Variants in HHAT observed in about 807,000 individuals in gnomAD.
HHAT encodes the protein hedgehog acyltransferase, also known as protein-cysteine N-palmitoyltransferase HHAT.
In HHAT, 47 loss-of-function variants were observed where a neutral mutation model predicts 70.8. That is an observed-to-expected ratio of 0.66 (90% CI 0.53 to 0.85). The LOEUF (loss-of-function observed/expected upper bound fraction) is 0.85. Ranked by LOEUF, HHAT falls within the 40% of genes least tolerant of loss-of-function variation. The pLI is 0.00. For missense variants in HHAT, 609 were observed against 604.8 expected (o/e 1.01, Z -0.07); for synonymous variants, 228 against 247.6 (o/e 0.92, Z 0.74).
At chr1:210,367,002 T>C (rs965934919) in intron 3 of HHAT, among the ~76,000 whole-genome samples, 5 of 152,116 alleles carry the variant, frequency 3.3e-5, no homozygotes, top group Non-Finnish European at 7.4e-5. Context: ...CTCAAGTCCA[T>C]ATGGAGCGCT....
At chr1:210,490,211 A>G (rs2094530986) in intron 8 of HHAT, among the ~76,000 whole-genome samples, 1 of 152,214 alleles carries the variant, frequency 6.6e-6, no homozygotes, top group Admixed American at 6.5e-5. Flanking sequence ...CCTTCAAGTC[A>G]TGGAGTGGGA....
At chr1:210,521,126 G>A (rs2095150658) in intron 9 of HHAT, among the ~76,000 whole-genome samples, 1 of 152,196 alleles carries the variant, frequency 6.6e-6, no homozygotes. Flanking sequence ...TATTAGAATG[G>A]TGTTCAATAT....
intron 8 of HHAT, among the ~76,000 whole-genome samples, chr1:210,485,081 C>T (rs911354682): frequency 3.3e-5 from 5 of 152,130 alleles, no homozygotes; most frequent in South Asian, 4.2e-4. Context: ...TGTCTTGCCT[C>T]GTGTTGAGCG....
At chr1:210,334,629 T>C (rs564597591) in intron 1 of HHAT, among the ~76,000 whole-genome samples, 17 of 152,178 alleles carry the variant, frequency 1.1e-4, no homozygotes, top group Non-Finnish European at 2.2e-4. Flanking sequence ...AGAATATTCC[T>C]GAAATAGTGG....
At chr1:210,608,082 C>T (rs998349857) in intron 10 of HHAT, among the ~76,000 whole-genome samples, 1 of 152,112 alleles carries the variant, frequency 6.6e-6, no homozygotes, top group Non-Finnish European at 1.5e-5. Context: ...AGCCATTCTC[C>T]TGTTGAAAAT....
At chr1:210,553,722 C>A (rs1444173466) in intron 9 of HHAT, among the ~76,000 whole-genome samples, 1 of 152,116 alleles carries the variant, frequency 6.6e-6, no homozygotes, top group Non-Finnish European at 1.5e-5. Flanking sequence ...TGGACCTCAG[C>A]CTCTTTCCCT....
intron 9 of HHAT, among the ~76,000 whole-genome samples, chr1:210,586,847 T>G (rs189170952): frequency 1.1e-3 from 163 of 152,302 alleles, no homozygotes; most frequent in Non-Finnish European, 2.1e-3. Flanking sequence ...AGCAGGAAAT[T>G]ACTGATTGAA....
intron 11 of HHAT, among the ~76,000 whole-genome samples, chr1:210,659,312 A>G (rs1308226230): frequency 1.3e-5 from 2 of 152,244 alleles, no homozygotes; most frequent in African/African-American, 4.8e-5. Flanking sequence ...AAACACCTCT[A>G]TGCAAATAAA....
At chr1:210,487,568 G>GGT (rs1478605030) in intron 8 of HHAT, among the ~76,000 whole-genome samples, 1 of 152,128 alleles carries the variant, frequency 6.6e-6, no homozygotes, top group African/African-American at 2.4e-5. Context: ...GACACTGAGA[G>GGT]GTATGGATAA....
intron 2 of HHAT, among the ~76,000 whole-genome samples, chr1:210,352,006 A>G (rs776495873): frequency 6.6e-6 from 1 of 152,204 alleles, no homozygotes; most frequent in Non-Finnish European, 1.5e-5. Context: ...CTTTACCCAC[A>G]TGAGGACACT....
In HHAT at chr1:210,674,988, A is replaced by G. The variant is rs1418391034; in HGVS notation, c.*609A>G. ...TAGCATTCTAAGGCATCTATACCCA[A>G]GGAGTCCTGTGATCTGAGCTTCAGC... On this transcript the variant is annotated 3_prime_UTR_variant, in exon 12 of 12. Transcript: ENST00000261458. The G allele has an allele frequency of 6.6e-6, 1 of 152,266 alleles. No homozygotes were observed. Among genetic ancestry groups the G allele is most frequent in the Non-Finnish European group, 1.5e-5 (1 of 68,078 alleles). The allele number at this position is 152,266 out of a possible 1,614,324, so 9.4% of individuals were successfully genotyped here.
At chr1:210,449,804 A>G (rs1167880387) in intron 7 of HHAT, among the ~76,000 whole-genome samples, 3 of 152,182 alleles carry the variant, frequency 2.0e-5, no homozygotes, top group Admixed American at 6.5e-5. Context: ...TTTAATTCAC[A>G]TCAGTTCATC....
chr1:210,633,365 C>T (rs1394832308), intron 11 of HHAT, among the ~76,000 whole-genome samples: 1 of 152,192 alleles, frequency 6.6e-6, no homozygotes, highest in Non-Finnish European at 1.5e-5. Flanking sequence ...TAGTCAAATG[C>T]CCGGTCGCAG....
At chr1:210,553,216 C>T (rs924748950) in intron 9 of HHAT, among the ~76,000 whole-genome samples, 2 of 152,214 alleles carry the variant, frequency 1.3e-5, no homozygotes, top group Non-Finnish European at 1.5e-5. Context: ...TCCTGGCGCA[C>T]AGCAAGAACA....
intron 10 of HHAT, among the ~76,000 whole-genome samples, chr1:210,599,334 C>T (rs1353366393): frequency 1.3e-5 from 2 of 152,100 alleles, no homozygotes; most frequent in African/African-American, 4.8e-5. Context: ...TGTGTCTGAC[C>T]CTGCTGTTAC....
In HHAT at chr1:210,496,015, A is replaced by AG. The variant is rs1267583031; in HGVS notation, c.1008-17138_1008-17137insG. Among the ~76,000 whole-genome samples, 10 of 150,042 alleles carry AG rather than the reference A, an allele frequency of 6.7e-5. 1 individual carries two copies. The South Asian group carries it at 2.1e-3, about 31-fold the overall frequency. ...AACAGAGTCAAACTCTATCTCAAAA[A>AG]AAAAAAAAAAAAAAAGAAAAAGAAA... On this transcript the variant is annotated intron_variant, in intron 8 of 11. Transcript: ENST00000261458.
In HHAT at chr1:210,473,126, A is replaced by G. The variant is rs2094235786; in HGVS notation, c.1007+8471A>G. Among the ~76,000 whole-genome samples the G allele has an allele frequency of 3.9e-5, 6 of 152,204 alleles. No homozygotes were observed. The South Asian group carries it at 1.2e-3, about 32-fold the overall frequency. On this transcript the variant is annotated intron_variant, in intron 8 of 11. Coordinates refer to ENST00000261458, the MANE Select transcript of HHAT (RefSeq NM_018194.6). ...AGAATGTAAATTTCCCCTGCAAGAG[A>G]CAGCTTTGCAGGGTCATTTCAAAAT...
intron 8 of HHAT, among the ~76,000 whole-genome samples, chr1:210,508,647 T>G (rs1006145643): frequency 2.0e-5 from 3 of 152,216 alleles, no homozygotes; most frequent in Admixed American, 1.3e-4. Flanking sequence ...AGCAGCTTTA[T>G]GAACCACTTC....
At chr1:210,397,175 A>G (rs1186807751) in intron 4 of HHAT, among the ~76,000 whole-genome samples, 2 of 152,252 alleles carry the variant, frequency 1.3e-5, no homozygotes, top group African/African-American at 4.8e-5. Context: ...TTGTATGTAT[A>G]TGTGAATACA....
Sources: gnomAD v4.1 joint callset for allele counts (sites outside exome capture counted in the v4.1 genomes callset) on GRCh38, gnomAD v4.1.1 for gene constraint, MANE v1.5 for transcripts, NCBI Gene and HGNC (gene_info 2026-07-23, HGNC 2026-07-21) for gene names.